The following NCALD variants were observed in gnomAD, a reference collection of about 807,000 sequenced individuals.
NCALD encodes the protein neurocalcin delta.
A neutral mutation model predicts 18.6 loss-of-function variants in NCALD; 10 were observed. That is an observed-to-expected ratio of 0.54 (90% CI 0.33 to 0.91). The LOEUF is 0.91. NCALD is among the 40% of genes least tolerant of loss of function. The probability of loss-of-function intolerance (pLI) is 0.03; values close to 1 mark genes in which losing one functional copy is unlikely to be tolerated. For missense variants in NCALD, 184 were observed against 247.6 expected (o/e 0.74, Z 1.72); for synonymous variants, 88 against 87.4 (o/e 1.01, Z -0.04).
At chr8:101,749,844 C>T (rs1810578053) in intron 1 of NCALD, among the ~76,000 whole-genome samples, 1 of 152,136 alleles carries the variant, frequency 6.6e-6, no homozygotes, top group Non-Finnish European at 1.5e-5. Context: ...ATGCAGAAAT[C>T]CGGCACCCTC....
At chr8:101,865,468 G>A (rs572009733) in intron 4 of NCALD, among the ~76,000 whole-genome samples, 14 of 152,144 alleles carry the variant, frequency 9.2e-5, no homozygotes, top group African/African-American at 1.7e-4. Flanking sequence ...TCAGCCCTTC[G>A]TCACTCAATT....
chr8:102,098,323 T>C (rs1825170138), intron 1 of NCALD, among the ~76,000 whole-genome samples: 1 of 152,116 alleles, frequency 6.6e-6, no homozygotes, highest in African/African-American at 2.4e-5. Context: ...TCCTCCCCAT[T>C]TCCTCCTCAC....
intron 2 of NCALD, among the ~76,000 whole-genome samples, chr8:101,707,687 G>A (rs1433814957): frequency 6.6e-6 from 1 of 152,114 alleles, no homozygotes; most frequent in Non-Finnish European, 1.5e-5. Context: ...TCACAACTAG[G>A]AGAGAAAGTT....
At chr8:102,077,226 T>A (rs1376007548) in intron 1 of NCALD, among the ~76,000 whole-genome samples, 1 of 152,170 alleles carries the variant, frequency 6.6e-6, no homozygotes, top group African/African-American at 2.4e-5. Flanking sequence ...ACAAAACTCA[T>A]ACCAGATTGA....
intron 4 of NCALD, among the ~76,000 whole-genome samples, chr8:101,865,964 C>G (rs1427351014): frequency 6.6e-6 from 1 of 152,090 alleles, no homozygotes; most frequent in Non-Finnish European, 1.5e-5. Flanking sequence ...AAAAGTGATC[C>G]ACTTGGGTGA....
chr8:101,769,250 C>T (rs1184667654), intron 1 of NCALD, among the ~76,000 whole-genome samples: 1 of 152,164 alleles, frequency 6.6e-6, no homozygotes, highest in Non-Finnish European at 1.5e-5. Context: ...CAGTAGAAAA[C>T]TAATACAATG....
rs537862108 is a variant in NCALD, at chr8:102,052,915, A to AT, written c.-209-32627dup. Among the ~76,000 whole-genome samples the AT allele has an allele frequency of 5.3e-4, 80 of 152,150 alleles. 1 individual carries two copies. Among genetic ancestry groups the AT allele is most frequent in the Non-Finnish European group, 9.1e-4 (62 of 68,000 alleles). On this transcript the variant is annotated intron_variant, in intron 1 of 6. Transcript: ENST00000311028. Reference sequence around the variant, plus strand: ...ATCATGAAATATTATCCATCTTTTGATTTTTTCCCCAGCCATTTAAAAATG... The same window carrying AT: ...ATCATGAAATATTATCCATCTTTTGATTTTTTTCCCCAGCCATTTAAAAATG...
chr8:101,714,916 G>C (rs1815996590), intron 2 of NCALD, among the ~76,000 whole-genome samples: 1 of 150,406 alleles, frequency 6.6e-6, no homozygotes. Flanking sequence ...AGAATGGCGT[G>C]AACCCGGGAA....
intron 2 of NCALD, among the ~76,000 whole-genome samples, chr8:101,917,106 A>C (rs1190851124): frequency 6.6e-6 from 1 of 152,124 alleles, no homozygotes; most frequent in East Asian, 1.9e-4. Flanking sequence ...CTGTAAAGCA[A>C]GTCTCAATAA....
chr8:101,905,903 G>C (rs946694378), intron 3 of NCALD, among the ~76,000 whole-genome samples: 1 of 152,148 alleles, frequency 6.6e-6, no homozygotes, highest in Non-Finnish European at 1.5e-5. Context: ...TACAGTTTCT[G>C]CATAAATAGA....
intron 1 of NCALD, among the ~76,000 whole-genome samples, chr8:102,036,871 T>C (rs1822885744): frequency 6.6e-6 from 1 of 152,176 alleles, no homozygotes; most frequent in Admixed American, 6.5e-5. Flanking sequence ...GAAGTACAAA[T>C]TGGTCAACAT....
At position 101,978,069 on chromosome 8, in the gene NCALD, G is replaced by A. The variant is rs151183040; in HGVS notation, c.-157+42168C>T. On this transcript the variant is annotated intron_variant, in intron 2 of 6. Transcript: ENST00000311028. ...TTCTTTTTTAAGGTAGATGTGCCTCGTCCATACAGCAACCAGTGACCCGAA... is the reference window on the plus strand; with the variant it reads ...TTCTTTTTTAAGGTAGATGTGCCTCATCCATACAGCAACCAGTGACCCGAA... Among the ~76,000 whole-genome samples, 42 of 149,074 alleles carry A rather than the reference G, an allele frequency of 2.8e-4. No individual in the cohort carries two copies. In the East Asian group the frequency reaches 4.2e-3, roughly 15 times the overall value.
chr8:102,080,737 T>C (rs1005397285), intron 1 of NCALD, among the ~76,000 whole-genome samples: 1 of 152,186 alleles, frequency 6.6e-6, no homozygotes, highest in Non-Finnish European at 1.5e-5. Context: ...ATAAAAACTG[T>C]GATTGCAAGG....
intron 1 of NCALD, among the ~76,000 whole-genome samples, chr8:102,105,435 C>T (rs60659426): frequency 0.081 from 12,306 of 152,178 alleles, 1,314 homozygotes; most frequent in African/African-American, 0.25. Context: ...AATTATTTTG[C>T]TGCCCGGGCT....
intron 1 of NCALD, among the ~76,000 whole-genome samples, chr8:101,746,770 T>C (rs1810441524): frequency 6.6e-6 from 1 of 151,994 alleles, no homozygotes; most frequent in African/African-American, 2.4e-5. Context: ...TGGATAAATG[T>C]AAATTTTACA....
At position 102,060,390 on chromosome 8, in the gene NCALD, C is replaced by T. The variant is rs144445755; in HGVS notation, c.-209-40101G>A. ...GATCACCCTGGATCTCTGGTTGTGA[C>T]CACTTCTGGCTTCTCTGGACAGCCA... is the stretch of plus-strand genomic sequence containing the variant. On this transcript the variant is annotated intron_variant, in intron 1 of 6. Coordinates refer to the NCALD transcript ENST00000311028. 1.0e-3 allele frequency among the ~76,000 whole-genome samples: 153 copies of T among 152,348 alleles called. 1 individual carries two copies. The highest frequency in any genetic ancestry group is 3.5e-3 in the African/African-American group (147 of 41,576).
chr8:102,121,397 T>TG (rs1319530306), intron 1 of NCALD, among the ~76,000 whole-genome samples: 1 of 151,944 alleles, frequency 6.6e-6, no homozygotes, highest in Non-Finnish European at 1.5e-5. Context: ...GAGCTTGGAG[T>TG]GGGTGCCTGA....
At chr8:101,837,276 T>C (rs1041596204) in intron 4 of NCALD, among the ~76,000 whole-genome samples, 1 of 151,540 alleles carries the variant, frequency 6.6e-6, no homozygotes, top group Admixed American at 6.6e-5. Flanking sequence ...ATTCCTGATC[T>C]GTAAACCCAC....
chr8:102,075,084 C>T (rs1435203749), intron 1 of NCALD, among the ~76,000 whole-genome samples: 1 of 152,156 alleles, frequency 6.6e-6, no homozygotes, highest in Non-Finnish European at 1.5e-5. Context: ...AGAACTGTGT[C>T]CCCTGGCCAG....
Sources: allele counts gnomAD v4.1 joint callset (sites outside exome capture counted in the v4.1 genomes callset), GRCh38; gene constraint gnomAD v4.1.1; transcripts MANE v1.5; gene names NCBI Gene and HGNC (gene_info 2026-07-23, HGNC 2026-07-21).